Variants in CABIN1 observed in about 807,000 individuals in gnomAD.
CABIN1 encodes the protein calcineurin-binding protein cabin-1.
CABIN1 carries 133 observed loss-of-function variants against 227.7 expected under a neutral mutation model. The observed-to-expected ratio is 0.58, with a 90% confidence interval of 0.51 to 0.67. The LOEUF is 0.67. CABIN1 is among the 30% of genes least tolerant of loss of function. CABIN1 has a pLI of 0.00. For missense variants in CABIN1, 2,408 were observed against 2,852.5 expected, an observed-to-expected ratio of 0.84 and a Z score of 3.55; for synonymous variants, 1,086 against 1,155.1, an observed-to-expected ratio of 0.94 and a Z score of 1.21.
At chr22:24,064,478 A>G (rs111314812) in intron 15 of CABIN1, among the ~76,000 whole-genome samples, 6 of 137,880 alleles carry the variant, frequency 4.4e-5, no homozygotes, top group East Asian at 2.3e-4. Context: ...CAGTGCTGGG[A>G]TTACAGGTGT....
rs143133725 is a variant in CABIN1, at chr22:24,019,107, T to C, written c.-75+7740T>C. 7.6e-3 allele frequency among the ~76,000 whole-genome samples: 1,133 copies of C among 148,568 alleles called. 7 individuals are homozygous for C. The highest frequency in any genetic ancestry group is 0.03 in the South Asian group (143 of 4,732). ...ATGTATTAATCTTATATTGTGCAAC[T>C]TCACTGAGTGTTGTTTTTTTTTTTT... On this transcript the variant is annotated intron_variant, in intron 1 of 36. Coordinates refer to ENST00000263119, the MANE Select transcript of CABIN1 (RefSeq NM_012295.4).
In CABIN1 at chr22:24,018,713, A is replaced by G. The variant is rs375600910; in HGVS notation, c.-75+7346A>G. On this transcript the variant is annotated intron_variant, in intron 1 of 36. Coordinates refer to ENST00000263119, the MANE Select transcript of CABIN1 (RefSeq NM_012295.4). ...GTAGGTTTTAATGTCTGTTATACCT[A>G]TCCCCCCTTACAGTTTTTTTTTCAT... Among the ~76,000 whole-genome samples, 90 of 151,704 alleles carry G rather than the reference A, an allele frequency of 5.9e-4. 1 individual carries two copies. The South Asian group carries it at 0.018, about 30-fold the overall frequency.
At chr22:24,069,021 C>T (rs568136426) in intron 16 of CABIN1, among the ~76,000 whole-genome samples, 16 of 152,310 alleles carry the variant, frequency 1.1e-4, no homozygotes, top group East Asian at 1.9e-4. Flanking sequence ...GTTTTATTCC[C>T]GCAGTGTTAA....
intron 30 of CABIN1, among the ~76,000 whole-genome samples, chr22:24,164,772 C>T (rs2046353584): frequency 1.3e-5 from 2 of 152,180 alleles, no homozygotes; most frequent in Non-Finnish European, 2.9e-5. Flanking sequence ...AGGGCAGACA[C>T]AGCCTGTCCC....
At position 24,076,212 on chromosome 22, in the gene CABIN1, G is replaced by C. The variant is rs1338033416; in HGVS notation, c.2676G>C (p.Leu892=). The C allele has an allele frequency of 1.2e-6, 2 of 1,614,024 alleles. No homozygotes were observed. Among genetic ancestry groups the C allele is most frequent in the East Asian group, 4.5e-5 (2 of 44,900 alleles). The part of the protein sequence containing the change: ...TPMLPSSLML[L]NTAHEYLGRR... ...TGCTCCCATCCTCCCTCATGCTGCTGAACACAGCCCACGAGTATTTGGGCA... is the reference window on the plus strand; with the variant it reads ...TGCTCCCATCCTCCCTCATGCTGCTCAACACAGCCCACGAGTATTTGGGCA... The change falls in exon 19 of 37, where the codon CTG becomes CTC. Residue 892 remains leucine, a synonymous_variant. Transcript: ENST00000263119.
Position 24,165,558 on chromosome 22 carries a change from G to C in CABIN1, c.4939G>C (p.Val1647Leu), listed in dbSNP as rs745905635. 6.2e-7 allele frequency: 1 copy of C among 1,613,228 alleles called. No individual in the cohort carries two copies. The highest frequency in any genetic ancestry group is 1.7e-5 in the Admixed American group (1 of 59,996). The change falls in exon 31 of 37, where the codon GTC becomes CTC. Residue 1647 changes from valine to leucine, a missense_variant. Val to Leu is a conservative substitution (Grantham distance 32, BLOSUM62 1). Around this residue, in one of 3 missense-constraint regions of CABIN1, gnomAD observed 714 missense variants for 773.8 expected, o/e 0.92. Coordinates refer to ENST00000263119, the MANE Select transcript of CABIN1 (RefSeq NM_012295.4). ...GTATCTGCGAGATGCTGACCGCCAG[G>C]TCCTGGCGCAGCGGGCCTTCATCCT... ...KKYLRDADRQVLAQRAFILTV... is the reference protein window; with the variant it reads ...KKYLRDADRQLLAQRAFILTV...
At chr22:24,066,399 G>A (rs895093489) in intron 15 of CABIN1, among the ~76,000 whole-genome samples, 1 of 152,256 alleles carries the variant, frequency 6.6e-6, no homozygotes, top group African/African-American at 2.4e-5. Context: ...AGTCAGCAGT[G>A]TGTGGCCTAT....
chr22:24,145,646 A>G (rs1213607363), intron 29 of CABIN1, among the ~76,000 whole-genome samples: 1 of 152,170 alleles, frequency 6.6e-6, no homozygotes, highest in East Asian at 1.9e-4. Context: ...TGTGCCAGGC[A>G]TGTGGCCCTG....
intron 33 of CABIN1, 161 bp downstream of exon 33, chr22:24,168,682 G>C: frequency 1.4e-6 from 1 of 719,448 alleles, no homozygotes; most frequent in South Asian, 1.5e-5. Context: ...TCCAGCACGT[G>C]GCCATAGTGG....
intron 27 of CABIN1, 125 bp from the exon 28 acceptor site, chr22:24,119,242 C>T (rs1276404463): frequency 3.5e-6 from 3 of 851,436 alleles, no homozygotes; most frequent in Admixed American, 3.8e-5. Flanking sequence ...AGCATCCACT[C>T]AGCAAGGGCA....
intron 18 of CABIN1, among the ~76,000 whole-genome samples, chr22:24,075,745 TA>T (rs200383727): frequency 1.5e-4 from 22 of 150,184 alleles, no homozygotes; most frequent in Non-Finnish European, 1.9e-4. Context: ...CCCTATCTCT[TA>T]AAAAAAAAAA....
At chr22:24,135,643 C>T (rs1356548890) in intron 29 of CABIN1, among the ~76,000 whole-genome samples, 1 of 152,244 alleles carries the variant, frequency 6.6e-6, no homozygotes, top group Admixed American at 6.5e-5. Flanking sequence ...ATCCACCGCC[C>T]CTCCCAGCAT....
intron 29 of CABIN1, among the ~76,000 whole-genome samples, chr22:24,159,034 CT>C (rs746049820): frequency 1.3e-5 from 2 of 152,224 alleles, no homozygotes; most frequent in Non-Finnish European, 2.9e-5. Flanking sequence ...CCAGGGGCCC[CT>C]GTCTGTCCTG....
intron 26 of CABIN1, among the ~76,000 whole-genome samples, chr22:24,108,136 A>G (rs993338315): frequency 6.6e-6 from 1 of 152,250 alleles, no homozygotes; most frequent in Non-Finnish European, 1.5e-5. Flanking sequence ...AGAGGTAGGA[A>G]GACAATGGCA....
chr22:24,027,475 T>C (rs1448232318), intron 1 of CABIN1, among the ~76,000 whole-genome samples: 1 of 152,272 alleles, frequency 6.6e-6, no homozygotes, highest in African/African-American at 2.4e-5. Flanking sequence ...AAATTAAGTA[T>C]GCTGTTAGCT....
intron 26 of CABIN1, among the ~76,000 whole-genome samples, chr22:24,104,912 T>A (rs1173792801): frequency 3.9e-5 from 6 of 152,216 alleles, no homozygotes; most frequent in Admixed American, 6.5e-5. Flanking sequence ...AGCATACATC[T>A]TCTTCCTCAG....
chr22:24,022,009 T>G (rs2035760775), intron 1 of CABIN1, among the ~76,000 whole-genome samples: 1 of 152,238 alleles, frequency 6.6e-6, no homozygotes, highest in Non-Finnish European at 1.5e-5. Flanking sequence ...TGTCATATCA[T>G]CAGTGTGAAT....
At position 24,061,882 on chromosome 22, in the gene CABIN1, C is replaced by G. The variant is rs2039219190; in HGVS notation, c.1618-65C>G. 3 of 1,170,388 alleles carry G rather than the reference C, an allele frequency of 2.6e-6. No homozygotes were observed. The South Asian group carries it at 3.7e-5, about 14-fold the overall frequency. The allele number at this position is 1,170,388 out of a possible 1,614,324, so 72.5% of individuals were successfully genotyped here. A position where few individuals can be genotyped will look rare whatever the true frequency, so the allele number is the denominator to read the frequency against. On this transcript the variant is annotated intron_variant, in intron 12 of 36. Coordinates refer to ENST00000263119, the MANE Select transcript of CABIN1 (RefSeq NM_012295.4). ...TAGTTTTGTTTCCTTCCACAGCCCC[C>G]TACCCCCCACACTGTGAAGAGGCTT...
At chr22:24,097,863 GGGCT>G in intron 25 of CABIN1, 147 bp from the exon 26 acceptor site, 2 of 958,042 alleles carry the variant, frequency 2.1e-6, no homozygotes, top group Non-Finnish European at 3.3e-6. Flanking sequence ...GGGCAACTAT[GGGCT>G]CTGTGACACC....
Sources: gnomAD v4.1 joint callset for allele counts (sites outside exome capture counted in the v4.1 genomes callset) on GRCh38, gnomAD v4.1.1 for gene constraint, gnomAD v4.1.1 regional missense constraint, MANE v1.5 for transcripts, NCBI Gene and HGNC (gene_info 2026-07-23, HGNC 2026-07-21) for gene names.